The following PIK3C2G variants were observed in gnomAD, a reference collection of about 807,000 sequenced individuals.
The protein encoded by PIK3C2G is phosphatidylinositol-4-phosphate 3-kinase catalytic subunit type 2 gamma, also known as phosphatidylinositol 3-kinase C2 domain-containing subunit gamma.
In PIK3C2G, 168 loss-of-function variants were observed where a neutral mutation model predicts 181.1. The observed-to-expected ratio is 0.93, with a 90% CI of 0.82 to 1.05. PIK3C2G has a LOEUF of 1.05. PIK3C2G is among the 50% of genes least tolerant of loss of function. PIK3C2G has a pLI of 0.00. For synonymous variants in PIK3C2G, 573 were observed against 592.2 expected (o/e 0.97, Z 0.47); for missense variants, 1,869 against 1,732.8 (o/e 1.08, Z -1.40).
chr12:18,475,981 C>A (rs1466037391), intron 18 of PIK3C2G, among the ~76,000 whole-genome samples: 3 of 152,010 alleles, frequency 2.0e-5, no homozygotes, highest in Non-Finnish European at 2.9e-5. Flanking sequence ...CAAGGAGAAA[C>A]TGTTGAACCA....
At chr12:18,434,352 T>C (rs11044110) in intron 18 of PIK3C2G, among the ~76,000 whole-genome samples, 16,588 of 152,146 alleles carry the variant, frequency 0.11, 938 homozygotes, top group Non-Finnish European at 0.13. Flanking sequence ...AGGGAACACA[T>C]TGAAACCATT....
At chr12:18,452,815 G>C (rs1294651195) in intron 18 of PIK3C2G, among the ~76,000 whole-genome samples, 1 of 151,956 alleles carries the variant, frequency 6.6e-6, no homozygotes, top group East Asian at 1.9e-4. Flanking sequence ...CTTTAATTTC[G>C]TTATTTACCC....
chr12:18,362,639 G>T (rs1941341743), intron 11 of PIK3C2G, 125 bp from the exon 12 acceptor site: 2 of 660,802 alleles, frequency 3.0e-6, no homozygotes, highest in Non-Finnish European at 4.7e-6. Context: ...AATTTTTAAA[G>T]CATGCTTTAT....
the PIK3C2G span, among the ~76,000 whole-genome samples, chr12:18,668,191 A>G: frequency 1.6e-4 from 24 of 152,220 alleles, no homozygotes; most frequent in Non-Finnish European, 2.9e-4. Flanking sequence ...AAGTCCAGTC[A>G]TACTTTCAAT....
At position 18,269,912 on chromosome 12, in the gene PIK3C2G, C is replaced by CTTTTTTT. The variant is rs367550750; in HGVS notation, c.-79+8344_-79+8350dup. Among the ~76,000 whole-genome samples the CTTTTTTT allele has an allele frequency of 2.9e-5, 4 of 136,920 alleles. 1 individual carries two copies. Among genetic ancestry groups the CTTTTTTT allele is most frequent in the Non-Finnish European group, 4.7e-5 (3 of 64,072 alleles). 89.8% of individuals were successfully genotyped at this position (136,920 alleles called of 152,430 possible). ...ACCCTTTTTTCTTTTTTTTTCTTTT[C>CTTTTTTT]TTTTTTTTTTTTTTTGAGATGGCAT... On this transcript the variant is annotated intron_variant, in intron 1 of 32. Transcript: ENST00000538779.
chr12:18,573,381 G>A (rs1383598912), intron 29 of PIK3C2G, among the ~76,000 whole-genome samples: 1 of 152,172 alleles, frequency 6.6e-6, no homozygotes, highest in African/African-American at 2.4e-5. Context: ...AGATTCACCA[G>A]AAGCCTACCT....
intron 15 of PIK3C2G, among the ~76,000 whole-genome samples, chr12:18,394,764 A>C (rs1443549141): frequency 2.0e-5 from 3 of 152,012 alleles, no homozygotes; most frequent in Admixed American, 6.6e-5. Context: ...AGGTACAAAA[A>C]GAAAATAAAC....
At chr12:18,418,806 A>C (rs1459472283) in intron 16 of PIK3C2G, among the ~76,000 whole-genome samples, 1 of 152,166 alleles carries the variant, frequency 6.6e-6, no homozygotes, top group Non-Finnish European at 1.5e-5. Flanking sequence ...TGATGTATAT[A>C]ATATAGAATT....
chr12:18,283,549 G>A (rs553842268), intron 2 of PIK3C2G, among the ~76,000 whole-genome samples: 1 of 152,260 alleles, frequency 6.6e-6, no homozygotes, highest in South Asian at 2.1e-4. Context: ...CAGAATGAAT[G>A]CAAAGAAGAA....
At chr12:18,626,741 C>G (rs1433766159) in intron 31 of PIK3C2G, among the ~76,000 whole-genome samples, 1 of 152,016 alleles carries the variant, frequency 6.6e-6, no homozygotes, top group Non-Finnish European at 1.5e-5. Context: ...ATCCCACTCT[C>G]TCTCCTGGAC....
intron 30 of PIK3C2G, among the ~76,000 whole-genome samples, chr12:18,608,240 A>G (rs1948153924): frequency 6.6e-6 from 1 of 152,126 alleles, no homozygotes; most frequent in African/African-American, 2.4e-5. Flanking sequence ...TCATGCTGCT[A>G]TAAAGACACA....
intron 13 of PIK3C2G, among the ~76,000 whole-genome samples, chr12:18,372,389 A>G (rs1942130359): frequency 6.6e-6 from 1 of 152,240 alleles, no homozygotes; most frequent in South Asian, 2.1e-4. Context: ...AATTGAGGAA[A>G]AAAACAGTCC....
chr12:18,448,451 A>G (rs1417890728), intron 18 of PIK3C2G, among the ~76,000 whole-genome samples: 2 of 152,156 alleles, frequency 1.3e-5, no homozygotes, highest in African/African-American at 4.8e-5. Context: ...TATACAATAC[A>G]GTGTTATTAA....
the PIK3C2G span, among the ~76,000 whole-genome samples, chr12:18,671,512 T>C: frequency 1.6e-3 from 244 of 152,152 alleles, 2 homozygotes; most frequent in East Asian, 0.017. Context: ...GCTACAGCAT[T>C]CACTATGGAG....
chr12:18,341,079 C>T (rs945439163), intron 9 of PIK3C2G, among the ~76,000 whole-genome samples: 6 of 152,052 alleles, frequency 3.9e-5, no homozygotes, highest in Middle Eastern at 3.2e-3. Context: ...CAGTTCTTAA[C>T]GAATTGGCAA....
intron 8 of PIK3C2G, among the ~76,000 whole-genome samples, chr12:18,326,441 T>C (rs1377794352): frequency 1.3e-5 from 2 of 152,310 alleles, no homozygotes; most frequent in East Asian, 3.9e-4. Context: ...ATAATAACTA[T>C]TTGTAATATC....
chr12:18,630,366 C>T (rs982305598), intron 31 of PIK3C2G, among the ~76,000 whole-genome samples: 2 of 151,884 alleles, frequency 1.3e-5, no homozygotes, highest in East Asian at 1.9e-4. Flanking sequence ...CACCCCAGCC[C>T]GGGTAACAGA....
At chr12:18,313,462 C>T (rs928917306) in intron 5 of PIK3C2G, among the ~76,000 whole-genome samples, 1 of 151,970 alleles carries the variant, frequency 6.6e-6, no homozygotes, top group Non-Finnish European at 1.5e-5. Flanking sequence ...CTAAGGTCAT[C>T]GAGCTAGTAA....
At chr12:18,406,628 T>C (rs533301261) in intron 16 of PIK3C2G, among the ~76,000 whole-genome samples, 6 of 152,214 alleles carry the variant, frequency 3.9e-5, no homozygotes, top group Non-Finnish European at 7.4e-5. Context: ...GGAAGGATAT[T>C]TGAAGGGAAG....
Sources: gnomAD v4.1 joint callset for allele counts (sites outside exome capture counted in the v4.1 genomes callset) on GRCh38, gnomAD v4.1.1 for gene constraint, MANE v1.5 for transcripts, NCBI Gene and HGNC (gene_info 2026-07-23, HGNC 2026-07-21) for gene names.